The following RGPD8 variants were observed in gnomAD, a reference collection of about 807,000 sequenced individuals.
RGPD8 encodes RANBP2 like and GRIP domain containing 8.
Under a neutral mutation model 89.1 loss-of-function variants are expected in RGPD8, and 15 were observed. The observed-to-expected ratio is 0.17, with a 90% CI of 0.11 to 0.26. The LOEUF (loss-of-function observed/expected upper bound fraction) is 0.26, where lower values mean the gene tolerates loss of function less well. RGPD8 is among the 10% of genes least tolerant of loss of function. RGPD8 has a pLI of 1.00. For synonymous variants in RGPD8, 62 were observed against 420.9 expected (o/e 0.15, Z 10.44); for missense variants, 178 against 1,179.6 (o/e 0.15, Z 12.44).
chr2:112,413,118 T>A (rs1453824375), intron 6 of RGPD8, among the ~76,000 whole-genome samples: 4 of 139,470 alleles, frequency 2.9e-5, no homozygotes, highest in Middle Eastern at 3.6e-3. Context: ...TTAAATAAAT[T>A]GTCTTTTTTT....
chr2:112,431,540 C>T (rs1558993477), intron 1 of RGPD8, among the ~76,000 whole-genome samples: 1 of 152,118 alleles, frequency 6.6e-6, no homozygotes. Context: ...TCTCAATATC[C>T]ACAGGGTTGC....
intron 1 of RGPD8, chr2:112,432,593 C>T: frequency 4.1e-6 from 4 of 985,362 alleles, no homozygotes; most frequent in Middle Eastern, 5.2e-4. Flanking sequence ...TGGGTTCCTC[C>T]AGGCCAAGGA....
At chr2:112,415,241 C>T (rs559167719) in intron 6 of RGPD8, among the ~76,000 whole-genome samples, 38 of 152,022 alleles carry the variant, frequency 2.5e-4, no homozygotes, top group South Asian at 1.7e-3. Context: ...AAAAATTAGC[C>T]GAGCGTGGTG....
chr2:112,423,565 G>A (rs1375004599), intron 2 of RGPD8, among the ~76,000 whole-genome samples: 4 of 129,960 alleles, frequency 3.1e-5, no homozygotes, highest in East Asian at 4.4e-4. Context: ...CCAGGTCCAC[G>A]TGGTGGTGCG....
At chr2:112,433,317 GGCCGGGTCGAGGCCGCCGCCGCCC>G (rs1163547893) in intron 1 of RGPD8, 41 bp downstream of exon 1, 1 of 1,309,216 alleles carries the variant, frequency 7.6e-7, no homozygotes, top group East Asian at 6.0e-5. Context: ...GCCGCCGCCG[GGCCGGGTCGAGGCCGCCGCCGCCC>G]GGCCGGGTCG....
rs1680168583 is a variant in RGPD8, at chr2:112,433,638, C to A, written c.-185G>T. The A allele has an allele frequency of 2.7e-6, 2 of 741,568 alleles. No homozygotes were observed. The highest frequency in any genetic ancestry group is 3.8e-5 in the South Asian group (2 of 53,176). 45.9% of individuals were successfully genotyped at this position (741,568 alleles called of 1,614,324 possible). On this transcript the variant is annotated 5_prime_UTR_variant, in exon 1 of 23. Coordinates refer to ENST00000302558, the MANE Select transcript of RGPD8 (RefSeq NM_001164463.1). ...GTGACGAACCTGCGTTCTGCCTCAG[C>A]ACTGTGTATCCTCGGGGACGTCGGC... is the stretch of plus-strand genomic sequence containing the variant.
chr2:112,391,198 A>G (rs1326356169), intron 18 of RGPD8, 129 bp from the exon 19 acceptor site: 1 of 636,124 alleles, frequency 1.6e-6, no homozygotes, highest in Non-Finnish European at 2.6e-6. Flanking sequence ...TAAATTTTAA[A>G]TTTCTGTACA....
chr2:112,380,650 C>CAAAAAAAAAAAAAAAA (rs369818204), intron 21 of RGPD8, among the ~76,000 whole-genome samples, 174 bp downstream of exon 21: 1 of 109,424 alleles, frequency 9.1e-6, no homozygotes, highest in African/African-American at 3.3e-5. Flanking sequence ...AAGACTGTCT[C>CAAAAAAAAAAAAAAAA]AAAAAAAAAA....
At chr2:112,381,924 A>C (rs1247662628) in intron 20 of RGPD8, among the ~76,000 whole-genome samples, 1 of 152,308 alleles carries the variant, frequency 6.6e-6, no homozygotes, top group African/African-American at 2.4e-5. Context: ...GGATTAAAGG[A>C]TGCAAAGTAT....
At chr2:112,381,947 TTG>T (rs1483542051) in intron 20 of RGPD8, among the ~76,000 whole-genome samples, 1 of 152,306 alleles carries the variant, frequency 6.6e-6, no homozygotes, top group Non-Finnish European at 1.5e-5. Flanking sequence ...ATCCTGAGTG[TTG>T]TCTGTGAGGG....
At chr2:112,432,964 G>C (rs1379225518) in intron 1 of RGPD8, among the ~76,000 whole-genome samples, 1 of 135,712 alleles carries the variant, frequency 7.4e-6, no homozygotes, top group East Asian at 2.0e-4. Context: ...CGCCGGGCCG[G>C]GTCGAGGCCG....
chr2:112,426,746 AAAG>A (rs1198333223), intron 1 of RGPD8, among the ~76,000 whole-genome samples: 1 of 152,092 alleles, frequency 6.6e-6, no homozygotes, highest in Non-Finnish European at 1.5e-5. Flanking sequence ...TCAAAAAAAA[AAAG>A]AACTATAGCA....
chr2:112,379,204 GC>G (rs1353995623), intron 21 of RGPD8, among the ~76,000 whole-genome samples: 1 of 150,474 alleles, frequency 6.6e-6, no homozygotes, highest in Non-Finnish European at 1.5e-5. Flanking sequence ...TTTAGGTTAG[GC>G]AAGAAAGTTA....
chr2:112,402,523 G>GAAAAGAAAAC (rs1452003281), intron 9 of RGPD8, among the ~76,000 whole-genome samples: 1 of 152,080 alleles, frequency 6.6e-6, no homozygotes, highest in African/African-American at 2.4e-5. Context: ...GAAAAGAAAA[G>GAAAAGAAAAC]AAAAGAAAAG....
At position 112,433,481 on chromosome 2, in the gene RGPD8, C is replaced by T. The variant is rs777761163; in HGVS notation, c.-28G>A. On this transcript the variant is annotated 5_prime_UTR_variant, in exon 1 of 23. Transcript: ENST00000302558. The stretch of plus-strand genomic sequence containing the variant: ...CGCCGCCAACCTGGCTCCCGAGACG[C>T]GTGCGAGCACCGCTCAGCCCCGCAG... 3 of 1,599,808 alleles carry T rather than the reference C, an allele frequency of 1.9e-6. No homozygotes were observed. Among genetic ancestry groups the T allele is most frequent in the Non-Finnish European group, 2.6e-6 (3 of 1,173,878 alleles).
Position 112,370,204 on chromosome 2 carries a change from C to G in RGPD8, c.5272G>C (p.Glu1758Gln). The change falls in exon 23 of 23, where the codon GAA becomes CAA. Residue 1758 changes from glutamate to glutamine, a missense_variant. By Grantham distance (29) the Glu-to-Gln change is conservative (BLOSUM62 2). Coordinates refer to ENST00000302558, the MANE Select transcript of RGPD8 (RefSeq NM_001164463.1). ...KLAAVAQDEE[E>Q]NPSRSSG ...CATCCAGAAGAACGGGAAGGATTTT[C>G]TTCCTCATCTTTAGAAAGTAAAACA... 23 of 1,545,014 alleles carry G rather than the reference C, an allele frequency of 1.5e-5. 5 individuals carry two copies. The highest frequency in any genetic ancestry group is 1.9e-5 in the Non-Finnish European group (22 of 1,135,630).
At chr2:112,382,082 C>G (rs1323348725) in intron 20 of RGPD8, among the ~76,000 whole-genome samples, 2 of 151,930 alleles carry the variant, frequency 1.3e-5, no homozygotes, top group African/African-American at 2.4e-5. Context: ...CCTGAAAAGG[C>G]GAGACTGGCC....
chr2:112,433,632 C>T lies in RGPD8; in HGVS notation c.-179G>A. ...CCCACTGTGACGAACCTGCGTTCTG[C>T]CTCAGCACTGTGTATCCTCGGGGAC... On this transcript the variant is annotated 5_prime_UTR_variant, in exon 1 of 23. Transcript: ENST00000302558. 1.3e-6 allele frequency: 1 copy of T among 748,902 alleles called. No individual in the cohort carries two copies. 46.4% of individuals were successfully genotyped at this position (748,902 alleles called of 1,614,324 possible).
rs549087253 is a variant in RGPD8, at chr2:112,422,449, T to C, written c.252+99A>G. On this transcript the variant is annotated intron_variant, in intron 3 of 22. Transcript: ENST00000302558. ...TTGTACTATGATACCAATGCCTGTT[T>C]TATGATATTTATAAAATATATTTGA... 1.9e-4 allele frequency: 285 copies of C among 1,540,150 alleles called. 1 individual carries two copies. In the South Asian group the frequency reaches 3.1e-3, roughly 17 times the overall value.
Sources: allele counts gnomAD v4.1 joint callset (sites outside exome capture counted in the v4.1 genomes callset), GRCh38; gene constraint gnomAD v4.1.1; transcripts MANE v1.5; gene names NCBI Gene and HGNC (gene_info 2026-07-23, HGNC 2026-07-21).